The following HIP1 variants were observed in gnomAD, a reference collection of about 807,000 sequenced individuals.
HIP1 encodes the protein huntingtin interacting protein 1.
In HIP1, 65 loss-of-function variants were observed where a neutral mutation model predicts 147.6. The observed-to-expected ratio is 0.44, with a 90% confidence interval of 0.36 to 0.54. The LOEUF is 0.54. Among genes scored for constraint, HIP1 ranks in the 20% least tolerant of loss-of-function variants. The pLI is 0.00. For missense variants in HIP1, 1,061 were observed against 1,299.6 expected (o/e 0.82, Z 2.82); for synonymous variants, 479 against 504.0 (o/e 0.95, Z 0.67).
chr7:75,631,131 GTT>G (rs201780105), intron 1 of HIP1, among the ~76,000 whole-genome samples: 1 of 144,414 alleles, frequency 6.9e-6, no homozygotes, highest in African/African-American at 2.5e-5. Context: ...CAGATAATTT[GTT>G]TTTTAAATTT....
intron 1 of HIP1, among the ~76,000 whole-genome samples, chr7:75,632,178 G>A (rs1554509041): frequency 6.6e-6 from 1 of 152,120 alleles, no homozygotes; most frequent in East Asian, 1.9e-4. Flanking sequence ...GCATTTCAAG[G>A]AAATCTCTCT....
intron 1 of HIP1, among the ~76,000 whole-genome samples, chr7:75,600,204 G>A (rs752646894): frequency 6.6e-6 from 1 of 151,986 alleles, no homozygotes; most frequent in Admixed American, 6.6e-5. Context: ...CCTGCCTCCT[G>A]TGTTAAAGCA....
At chr7:75,725,408 T>A (rs947339402) in intron 1 of HIP1, among the ~76,000 whole-genome samples, 1 of 152,132 alleles carries the variant, frequency 6.6e-6, no homozygotes, top group Non-Finnish European at 1.5e-5. Context: ...TAATGAATTA[T>A]CAAAAACCAT....
At chr7:75,567,664 G>C (rs1361359218) in intron 9 of HIP1, among the ~76,000 whole-genome samples, 4 of 149,586 alleles carry the variant, frequency 2.7e-5, no homozygotes, top group South Asian at 4.1e-4. Context: ...AGCTGGGCAT[G>C]GTGGTGTGTG....
rs112664399 is a variant in HIP1 at position 75,599,357 on chromosome 7, C to A, written c.121-110G>T. The A allele has an allele frequency of 4.8e-6, 4 of 829,062 alleles. No individual in the cohort carries two copies. The South Asian group carries it at 5.7e-5, about 12-fold the overall frequency. The allele number at this position is 829,062 out of a possible 1,614,324, so 51.4% of individuals were successfully genotyped here. ...CTTTCTCCTCCTCCAGCCAACCTCC[C>A]CCAGCCCCACGGGTGGTCGGTTCCT... On this transcript the variant is annotated intron_variant, in intron 1 of 30. Transcript: ENST00000336926.
chr7:75,573,542 G>A (rs1795726249), intron 8 of HIP1, among the ~76,000 whole-genome samples: 1 of 152,188 alleles, frequency 6.6e-6, no homozygotes, highest in South Asian at 2.1e-4. Flanking sequence ...CTGTAACACT[G>A]GGACGCAAGA....
rs1796518263 is a variant in HIP1 at position 75,592,082 on chromosome 7, C to T, written c.358G>A (p.Glu120Lys). 6.2e-7 allele frequency: 1 copy of T among 1,614,140 alleles called. No homozygotes were observed. Among genetic ancestry groups the T allele is most frequent in the Non-Finnish European group, 8.5e-7 (1 of 1,179,966 alleles). ...VLKDSLRYRN[E>K]LSDMSRMWGH... is the part of the protein sequence containing the mutation. ...CACATCCTGCTCATGTCACTCAATT[C>T]ATTTCTGTATCTCAGAGAGTCCTTC... is the stretch of plus-strand genomic sequence containing the variant. Residue 120 changes from glutamate (E) to lysine (K), a missense_variant, in exon 4 of 31, where the codon GAA (glutamate) becomes AAA (lysine). Physicochemically the swap from Glu to Lys is moderately conservative, Grantham distance 56 (BLOSUM62 1). Around this residue, in one of 3 missense-constraint regions of HIP1, gnomAD observed 225 missense variants for 292.9 expected, o/e 0.77. Transcript: ENST00000336926.
intron 1 of HIP1, among the ~76,000 whole-genome samples, chr7:75,649,415 G>A (rs1798903566): frequency 6.6e-6 from 1 of 152,158 alleles, no homozygotes; most frequent in African/African-American, 2.4e-5. Flanking sequence ...AGTAGTAGCA[G>A]CAATGACCCT....
At position 75,556,307 on chromosome 7, in the gene HIP1, C is replaced by T. The variant is rs368246371; in HGVS notation, c.1684-138G>A. On this transcript the variant is annotated intron_variant, in intron 17 of 30. Transcript: ENST00000336926. ...TTAACCTGCCACTCTGATTCCCTCC[C>T]GGGGACACACTGATTGCAGTGGGGG... 4.4e-5 allele frequency: 47 copies of T among 1,072,510 alleles called. No homozygotes were observed. The East Asian group carries it at 9.1e-4, about 21-fold the overall frequency. The allele number at this position is 1,072,510 out of a possible 1,614,324, so 66.4% of individuals were successfully genotyped here.
chr7:75,600,716 A>T (rs921117112), intron 1 of HIP1, among the ~76,000 whole-genome samples: 1 of 152,134 alleles, frequency 6.6e-6, no homozygotes, highest in Non-Finnish European at 1.5e-5. Context: ...ATCTCCCGGA[A>T]AATTCTGCAA....
chr7:75,618,352 T>C (rs757361), intron 1 of HIP1, among the ~76,000 whole-genome samples: 41,046 of 152,078 alleles, frequency 0.27, 7,481 homozygotes, highest in African/African-American at 0.53. Flanking sequence ...GGTTTCACCA[T>C]GTTGGTCAAG....
chr7:75,610,565 T>C (rs181440974), intron 1 of HIP1, among the ~76,000 whole-genome samples: 302 of 151,914 alleles, frequency 2.0e-3, no homozygotes, highest in Non-Finnish European at 1.5e-3. Context: ...ACACTGAGTA[T>C]TACCTTCCCT....
intron 24 of HIP1, 111 bp from the exon 25 acceptor site, chr7:75,547,143 G>C: frequency 1.2e-6 from 1 of 849,166 alleles, no homozygotes; most frequent in Non-Finnish European, 1.9e-6. Flanking sequence ...GGGAAAGGGA[G>C]GTAAGAAGGG....
intron 1 of HIP1, among the ~76,000 whole-genome samples, chr7:75,654,116 C>T (rs553938564): frequency 3.3e-4 from 50 of 152,006 alleles, no homozygotes; most frequent in Middle Eastern, 3.4e-3. Flanking sequence ...AGAACATGGC[C>T]GGGCGCAGGG....
intron 1 of HIP1, among the ~76,000 whole-genome samples, chr7:75,666,737 C>T (rs782639637): frequency 3.3e-5 from 5 of 152,048 alleles, no homozygotes; most frequent in South Asian, 2.1e-4. Flanking sequence ...GTTTCAGACA[C>T]GGAACAGTTC....
At chr7:75,645,952 A>C (rs1456347059) in intron 1 of HIP1, among the ~76,000 whole-genome samples, 1 of 152,210 alleles carries the variant, frequency 6.6e-6, no homozygotes, top group Non-Finnish European at 1.5e-5. Flanking sequence ...GGAGGAGGGG[A>C]CAAGTGTTGA....
At chr7:75,639,209 G>A (rs1263605860) in intron 1 of HIP1, 2 of 982,272 alleles carry the variant, frequency 2.0e-6, no homozygotes, top group Non-Finnish European at 2.4e-6. Flanking sequence ...GGCGGCGGCG[G>A]CGGCGGCGGC....
chr7:75,580,646 GGGA>G (rs1796006021), intron 7 of HIP1, among the ~76,000 whole-genome samples: 1 of 152,104 alleles, frequency 6.6e-6, no homozygotes, highest in South Asian at 2.1e-4. Context: ...AGGCTGAGGT[GGGA>G]GGATCATTTG....
chr7:75,709,743 A>G (rs1554519987), intron 1 of HIP1, among the ~76,000 whole-genome samples: 1 of 152,240 alleles, frequency 6.6e-6, no homozygotes. Flanking sequence ...AAAGTTAGGC[A>G]TCCTTGTAAT....
Sources: gnomAD v4.1 joint callset for allele counts (sites outside exome capture counted in the v4.1 genomes callset) on GRCh38, gnomAD v4.1.1 for gene constraint, gnomAD v4.1.1 regional missense constraint, MANE v1.5 for transcripts, NCBI Gene and HGNC (gene_info 2026-07-23, HGNC 2026-07-21) for gene names.